The following EPS8 variants were observed in gnomAD, a reference collection of about 807,000 sequenced individuals.
EPS8 encodes epidermal growth factor receptor kinase substrate 8.
EPS8 carries 42 observed loss-of-function variants against 103.8 expected under a neutral mutation model. The observed-to-expected ratio is 0.40, with a 90% CI of 0.32 to 0.52. The LOEUF is 0.52. Among genes scored for constraint, EPS8 ranks in the 20% least tolerant of loss-of-function variants. EPS8 has a pLI of 0.40. For missense variants in EPS8, 969 were observed against 1,005.1 expected, an observed-to-expected ratio of 0.96 and a Z score of 0.49; for synonymous variants, 344 against 344.6, an observed-to-expected ratio of 1.00 and a Z score of 0.02.
chr12:15,701,019 C>T lies in EPS8; in HGVS notation c.-21-18047G>A, dbSNP rs1946305044. ...GTATATTATAAAGAATAAACTACTA[C>T]CTACCTGTGTCCATCTTTATACCAT... On this transcript the variant is annotated intron_variant, in intron 1 of 20. Transcript: ENST00000281172. This position sits in a 1 kb window ranked among gnomAD's most constrained non-coding sequence, Gnocchi z 5.1. Among the ~76,000 whole-genome samples, 1 of 152,134 alleles carries T rather than the reference C, an allele frequency of 6.6e-6. No individual in the cohort carries two copies. Among genetic ancestry groups the T allele is most frequent in the African/African-American group, 2.4e-5 (1 of 41,428 alleles).
intron 1 of EPS8, among the ~76,000 whole-genome samples, chr12:15,691,506 T>C (rs1946171454): frequency 6.6e-6 from 1 of 152,178 alleles, no homozygotes; most frequent in Non-Finnish European, 1.5e-5. Flanking sequence ...ATGCAAGGCC[T>C]GCGCCTAGGG....
At chr12:15,630,867 A>G (rs1945033160) in intron 18 of EPS8, among the ~76,000 whole-genome samples, 1 of 152,130 alleles carries the variant, frequency 6.6e-6, no homozygotes, top group Non-Finnish European at 1.5e-5. Flanking sequence ...TGTGCATTGT[A>G]ATTGTTGCTA....
At position 15,770,355 on chromosome 12, in the gene EPS8, C is replaced by T. The variant is rs954278054; in HGVS notation, c.-22+18806G>A. Among the ~76,000 whole-genome samples, 25 of 150,244 alleles carry T rather than the reference C, an allele frequency of 1.7e-4. 1 individual carries two copies. Among genetic ancestry groups the T allele is most frequent in the Admixed American group, 2.0e-4 (3 of 15,070 alleles). On this transcript the variant is annotated intron_variant, in intron 1 of 20. Coordinates refer to ENST00000281172, the MANE Select transcript of EPS8 (RefSeq NM_004447.6). ...AAGGAAGGGAAAAAATAACATTATT[C>T]ATACTATTAAAAATATTTATAATTA...
chr12:15,674,989 AAC>A (rs1203826065), intron 3 of EPS8, among the ~76,000 whole-genome samples: 1 of 152,220 alleles, frequency 6.6e-6, no homozygotes, highest in Non-Finnish European at 1.5e-5. Context: ...ATAAAAATTA[AAC>A]AGAGAGACTA....
chr12:15,655,695 A>C (rs1307038748), intron 12 of EPS8, among the ~76,000 whole-genome samples: 1 of 152,246 alleles, frequency 6.6e-6, no homozygotes, highest in African/African-American at 2.4e-5. Flanking sequence ...AACAGAAGGA[A>C]GAGGAAATAA....
intron 1 of EPS8, among the ~76,000 whole-genome samples, chr12:15,770,668 C>T (rs2136042748): frequency 1.3e-5 from 2 of 152,294 alleles, no homozygotes; most frequent in South Asian, 4.1e-4. Context: ...TCATAGCCCA[C>T]ATTTAAAAGA....
intron 1 of EPS8, chr12:15,788,036 T>C (rs1053184059): frequency 6.6e-6 from 1 of 152,170 alleles, no homozygotes; most frequent in African/African-American, 2.4e-5. Context: ...GTCCTTTCAA[T>C]GAAAATAAAC....
At position 15,785,918 on chromosome 12, in the gene EPS8, A is replaced by G. The variant is rs1286826431; in HGVS notation, c.-22+3243T>C. Among the ~76,000 whole-genome samples, 1 of 151,640 alleles carries G rather than the reference A, an allele frequency of 6.6e-6. No homozygotes were observed. Among genetic ancestry groups the G allele is most frequent in the Non-Finnish European group, 1.5e-5 (1 of 67,850 alleles). ...AGATAGATAGATAGATTTTATATTT[A>G]TATAATATATATATATCCATGAGTC... On this transcript the variant is annotated intron_variant, in intron 1 of 20. Transcript: ENST00000281172. The surrounding 1 kb of genome is among the most constrained non-coding windows in gnomAD (Gnocchi z 4.9).
At chr12:15,678,116 C>T (rs1030546760) in intron 3 of EPS8, among the ~76,000 whole-genome samples, 17 of 152,074 alleles carry the variant, frequency 1.1e-4, no homozygotes, top group Non-Finnish European at 2.4e-4. Context: ...ATAACAGATG[C>T]TATACATAAG....
intron 18 of EPS8, among the ~76,000 whole-genome samples, chr12:15,630,524 T>C (rs1413824884): frequency 2.0e-5 from 3 of 152,234 alleles, no homozygotes; most frequent in African/African-American, 7.2e-5. Context: ...TAAATATGGT[T>C]TTCATAGAAA....
At chr12:15,694,629 T>C (rs1360381855) in intron 1 of EPS8, among the ~76,000 whole-genome samples, 2 of 152,224 alleles carry the variant, frequency 1.3e-5, no homozygotes, top group Non-Finnish European at 2.9e-5. Context: ...GAACAAATTA[T>C]TCGTGGACTA....
rs1459494302 is a variant in EPS8 at position 15,725,408 on chromosome 12, A to G, written c.-21-42436T>C. Among the ~76,000 whole-genome samples, 1 of 151,790 alleles carries G rather than the reference A, an allele frequency of 6.6e-6. No homozygotes were observed. The highest frequency in any genetic ancestry group is 2.4e-5 in the African/African-American group (1 of 41,270). On this transcript the variant is annotated intron_variant, in intron 1 of 20. Coordinates refer to ENST00000281172, the MANE Select transcript of EPS8 (RefSeq NM_004447.6). This position sits in a 1 kb window ranked among gnomAD's most constrained non-coding sequence, Gnocchi z 4.5. ...GATCACTTGAGCAGAAGAATTGAACAGGAATTCAAATCCAGCCTGGGCAAT... is the reference window on the plus strand; with the variant it reads ...GATCACTTGAGCAGAAGAATTGAACGGGAATTCAAATCCAGCCTGGGCAAT...
Position 15,784,210 on chromosome 12 carries a change from A to G in EPS8, c.-22+4951T>C, listed in dbSNP as rs1947287690. On this transcript the variant is annotated intron_variant, in intron 1 of 20. Transcript: ENST00000281172. This position sits in a 1 kb window ranked among gnomAD's most constrained non-coding sequence, Gnocchi z 4.0. Reference sequence around the variant, plus strand: ...CACTGTTAGGAAAATAAAAAGACAAACCAAACTGGGAGAAAATATTTGCAA... The same window carrying G: ...CACTGTTAGGAAAATAAAAAGACAAGCCAAACTGGGAGAAAATATTTGCAA... 6.6e-6 allele frequency among the ~76,000 whole-genome samples: 1 copy of G among 152,152 alleles called. No individual in the cohort carries two copies. The highest frequency in any genetic ancestry group is 2.4e-5 in the African/African-American group (1 of 41,450).
rs140531567 is a variant in EPS8 at position 15,674,787 on chromosome 12, T to C, written c.137-3864A>G. Among the ~76,000 whole-genome samples the C allele has an allele frequency of 4.7e-3, 710 of 152,190 alleles. 3 individuals are homozygous for C. Among genetic ancestry groups the C allele is most frequent in the African/African-American group, 0.016 (662 of 41,524 alleles). ...GACTCAAACATTTAGCTCAATTTCC[T>C]GATACTATTTAATGAATTAGAAGCC... is the stretch of plus-strand genomic sequence containing the variant. On this transcript the variant is annotated intron_variant, in intron 3 of 20. Coordinates refer to ENST00000281172, the MANE Select transcript of EPS8 (RefSeq NM_004447.6).
chr12:15,661,575 T>C (rs76115467), intron 9 of EPS8, among the ~76,000 whole-genome samples: 1 of 152,206 alleles, frequency 6.6e-6, no homozygotes, highest in Admixed American at 6.5e-5. Context: ...AAATGTAGCA[T>C]TATCTTTTAT....
chr12:15,665,759 C>T lies in EPS8; in HGVS notation c.733G>A (p.Asp245Asn). The change falls in exon 8 of 21, where the codon GAC becomes AAC. Residue 245 changes from aspartate (D) to asparagine (N), a missense_variant. By Grantham distance (23) the Asp-to-Asn change is conservative. Transcript: ENST00000281172. ...TATTAATTCTAGGAAGACTCACAGT[C>T]CCCTTGGTCGGCTGCCCATGCAGAC... is the stretch of plus-strand genomic sequence containing the variant. ...AWSAWAADQG[D>N]FEKPRQYHEQ... 1 of 1,613,568 alleles carries T rather than the reference C, an allele frequency of 6.2e-7. No homozygotes were observed. Among genetic ancestry groups the T allele is most frequent in the Non-Finnish European group, 8.5e-7 (1 of 1,179,768 alleles).
At position 15,623,153 on chromosome 12, in the gene EPS8, C is replaced by A; in HGVS notation, c.2355+5G>T. 1 of 1,600,536 alleles carries A rather than the reference C, an allele frequency of 6.2e-7. No homozygotes were observed. The highest frequency in any genetic ancestry group is 1.1e-5 in the South Asian group (1 of 87,388). On this transcript the variant is annotated splice_donor_5th_base_variant and intron_variant, in intron 20 of 20. Coordinates refer to ENST00000281172, the MANE Select transcript of EPS8 (RefSeq NM_004447.6). ...AAAACACCACCTTAGGTTGACAAGT[C>A]ATACCTCCAATGCAGCTTTTTGTAC...
At position 15,778,070 on chromosome 12, in the gene EPS8, T is replaced by C. The variant is rs1285357312; in HGVS notation, c.-22+11091A>G. Among the ~76,000 whole-genome samples the C allele has an allele frequency of 6.6e-6, 1 of 152,176 alleles. No individual in the cohort carries two copies. Among genetic ancestry groups the C allele is most frequent in the Non-Finnish European group, 1.5e-5 (1 of 68,022 alleles). On this transcript the variant is annotated intron_variant, in intron 1 of 20. Coordinates refer to ENST00000281172, the MANE Select transcript of EPS8 (RefSeq NM_004447.6). This position sits in a 1 kb window ranked among gnomAD's most constrained non-coding sequence, Gnocchi z 4.5. ...AGCAAACATACAAATATACAAAAAA[T>C]ATAGACCTTATTCCTAAATTTAAAG...
intron 18 of EPS8, among the ~76,000 whole-genome samples, chr12:15,625,869 AGAT>A (rs1265517322): frequency 1.3e-5 from 2 of 152,186 alleles, no homozygotes; most frequent in African/African-American, 4.8e-5. Flanking sequence ...GCCATTTAAA[AGAT>A]GATGGTTACC....
Sources: gnomAD v4.1 joint callset for allele counts (sites outside exome capture counted in the v4.1 genomes callset) on GRCh38, gnomAD v4.1.1 for gene constraint, Gnocchi (gnomAD v3.1) non-coding constraint, MANE v1.5 for transcripts, NCBI Gene and HGNC (gene_info 2026-07-23, HGNC 2026-07-21) for gene names.